The following FBP1 variants were observed in gnomAD, a reference collection of about 807,000 sequenced individuals.
The protein encoded by FBP1 is fructose-1,6-bisphosphatase 1.
FBP1 carries 22 observed loss-of-function variants against 29.9 expected under a neutral mutation model. The ratio of observed to expected loss-of-function variants is 0.74; its 90% CI spans 0.53 to 1.05. The LOEUF (loss-of-function observed/expected upper bound fraction) is 1.05. Ranked by LOEUF, FBP1 falls within the 50% of genes least tolerant of loss-of-function variation. FBP1 has a pLI of 0.00. For missense variants in FBP1, 345 were observed against 448.2 expected (o/e 0.77, Z 2.08); for synonymous variants, 175 against 178.6 (o/e 0.98, Z 0.16).
chr9:94,615,226 A>G (rs77079563), intron 3 of FBP1, among the ~76,000 whole-genome samples: 3,889 of 152,264 alleles, frequency 0.026, 65 homozygotes, highest in African/African-American at 0.033. Context: ...TGTCTTTTAA[A>G]AAAGTCACTT....
chr9:94,609,439 AACATAGTGTTGCACACATGCAG>A (rs1827750516), intron 4 of FBP1, among the ~76,000 whole-genome samples: 1 of 152,234 alleles, frequency 6.6e-6, no homozygotes, highest in African/African-American at 2.4e-5. Flanking sequence ...TTAGTTGGCC[AACATAGTGTTGCACACATGCAG>A]AAACATTATG....
At chr9:94,628,942 T>G (rs757916140) in intron 1 of FBP1, among the ~76,000 whole-genome samples, 3 of 152,194 alleles carry the variant, frequency 2.0e-5, no homozygotes, top group Admixed American at 6.6e-5. Flanking sequence ...ATATATTACA[T>G]GCAATCTATT....
intron 1 of FBP1, among the ~76,000 whole-genome samples, chr9:94,626,570 G>GACCCTAAGAAGGGCTTGAGA (rs1375765050): frequency 6.6e-6 from 1 of 152,132 alleles, no homozygotes; most frequent in Non-Finnish European, 1.5e-5. Context: ...ACACCTCGGG[G>GACCCTAAGAAGGGCTTGAGA]ACCCTAAGAA....
chr9:94,624,537 C>T (rs535645912), intron 1 of FBP1, among the ~76,000 whole-genome samples: 4 of 151,896 alleles, frequency 2.6e-5, no homozygotes, highest in African/African-American at 7.2e-5. Context: ...TCTGTAATCC[C>T]AGCTACTTGG....
At chr9:94,639,854 G>A (rs1437223537), upstream of FBP1, among the ~76,000 whole-genome samples, 3 of 152,144 alleles carry the variant, frequency 2.0e-5, no homozygotes, top group East Asian at 5.8e-4. Flanking sequence ...GAAAGGTTAA[G>A]TAACTTGCTC....
chr9:94,625,410 G>A (rs577784460), intron 1 of FBP1, among the ~76,000 whole-genome samples: 85 of 151,354 alleles, frequency 5.6e-4, no homozygotes, highest in African/African-American at 2.0e-3. Flanking sequence ...TGGACAGGGC[G>A]GCCCGCATCC....
At chr9:94,632,670 C>T (rs1828121800) in intron 1 of FBP1, among the ~76,000 whole-genome samples, 1 of 152,068 alleles carries the variant, frequency 6.6e-6, no homozygotes, top group Non-Finnish European at 1.5e-5. Flanking sequence ...TAGACTCTGT[C>T]TGAAAAATAA....
chr9:94,638,721 G>C (rs1828235409), intron 1 of FBP1, among the ~76,000 whole-genome samples: 1 of 152,212 alleles, frequency 6.6e-6, no homozygotes, highest in African/African-American at 2.4e-5. Context: ...ATTGCAGAAA[G>C]AGTGAAGGAG....
intron 3 of FBP1, among the ~76,000 whole-genome samples, chr9:94,612,549 ATTTTT>A (rs561246840): frequency 0.04 from 4,335 of 108,162 alleles, 268 homozygotes; most frequent in African/African-American, 0.13. Context: ...CCAGCCCCCA[ATTTTT>A]TTTTTTTTTT....
intron 1 of FBP1, among the ~76,000 whole-genome samples, chr9:94,620,998 G>T (rs1033653491): frequency 6.6e-6 from 1 of 152,076 alleles, no homozygotes; most frequent in African/African-American, 2.4e-5. Context: ...TGGATCATGA[G>T]GTCAGGGGAT....
intron 5 of FBP1, 21 bp downstream of exon 5, chr9:94,606,794 C>T (rs775896746): frequency 6.2e-7 from 1 of 1,610,636 alleles, no homozygotes; most frequent in East Asian, 2.2e-5. Context: ...CCTGCACCAC[C>T]CTCCCCGGGC....
At chr9:94,603,684 T>TA in intron 6 of FBP1, 112 bp from the exon 7 acceptor site, 1 of 978,240 alleles carries the variant, frequency 1.0e-6, no homozygotes, top group Non-Finnish European at 1.6e-6. Flanking sequence ...AGGGAACGAA[T>TA]ACTGTATTTT....
At chr9:94,629,332 C>T (rs932826181) in intron 1 of FBP1, among the ~76,000 whole-genome samples, 1 of 152,150 alleles carries the variant, frequency 6.6e-6, no homozygotes, top group African/African-American at 2.4e-5. Context: ...GAGTCCTGCT[C>T]GTGCCCTTCA....
chr9:94,628,257 A>G (rs1197155731), intron 1 of FBP1, among the ~76,000 whole-genome samples: 1 of 152,038 alleles, frequency 6.6e-6, no homozygotes. Context: ...GTGGTGGCAC[A>G]TGCCTACAAT....
intron 3 of FBP1, among the ~76,000 whole-genome samples, chr9:94,611,820 G>A (rs570993913): frequency 5.3e-5 from 8 of 152,296 alleles, no homozygotes; most frequent in Admixed American, 3.9e-4. Flanking sequence ...TTTCCATGGC[G>A]GGGCCTGAGA....
chr9:94,621,750 GCC>G (rs1384486886), intron 1 of FBP1, among the ~76,000 whole-genome samples: 1 of 152,078 alleles, frequency 6.6e-6, no homozygotes, highest in East Asian at 1.9e-4. Flanking sequence ...ACCAGTGTTG[GCC>G]CCCAAACACA....
chr9:94,639,730 C>A (rs987596392), upstream of FBP1, among the ~76,000 whole-genome samples: 2 of 149,548 alleles, frequency 1.3e-5, no homozygotes, highest in African/African-American at 2.5e-5. Context: ...TGTCGCCCCC[C>A]ACACACACCC....
intron 3 of FBP1, 66 bp downstream of exon 3, chr9:94,617,702 A>T: frequency 1.9e-6 from 2 of 1,038,720 alleles, no homozygotes; most frequent in Admixed American, 3.5e-5. Context: ...GCCACAGTGA[A>T]ATAGGACTGG....
At chr9:94,617,931 G>T in intron 2 of FBP1, 71 bp from the exon 3 acceptor site, 1 of 1,161,970 alleles carries the variant, frequency 8.6e-7, no homozygotes, top group Non-Finnish European at 1.3e-6. Flanking sequence ...ATACATTAGG[G>T]GCTAAGAATG....
Sources: gnomAD v4.1 joint callset for allele counts (sites outside exome capture counted in the v4.1 genomes callset) on GRCh38, gnomAD v4.1.1 for gene constraint, MANE v1.5 for transcripts, NCBI Gene and HGNC (gene_info 2026-07-23, HGNC 2026-07-21) for gene names.